Variants in RABEP1 observed in about 807,000 individuals in gnomAD.
The protein encoded by RABEP1 is rab GTPase-binding effector protein 1.
A neutral mutation model predicts 123.4 loss-of-function variants in RABEP1; 51 were observed. That is an observed-to-expected ratio of 0.41 (90% CI 0.33 to 0.52). The LOEUF (loss-of-function observed/expected upper bound fraction) is 0.52, where lower values mean the gene tolerates loss of function less well. RABEP1 is among the 20% of genes least tolerant of loss of function. The pLI is 0.16. For missense variants in RABEP1, 888 were observed against 996.3 expected, an observed-to-expected ratio of 0.89 and a Z score of 1.46; for synonymous variants, 347 against 355.2, an observed-to-expected ratio of 0.98 and a Z score of 0.26.
intron 2 of RABEP1, among the ~76,000 whole-genome samples, chr17:5,314,821 T>G (rs554459520): frequency 2.0e-5 from 3 of 152,192 alleles, no homozygotes; most frequent in Non-Finnish European, 4.4e-5. Context: ...CCCGGCTATA[T>G]TTCTGAAAGT....
rs184813714 is a variant in RABEP1 at position 5,291,136 on chromosome 17, C to T, written c.34+8616C>T. On this transcript the variant is annotated intron_variant, in intron 1 of 17. Coordinates refer to ENST00000537505, the MANE Select transcript of RABEP1 (RefSeq NM_004703.6). ...GTAAAAGAAAACTAGACTTGCTGAGCGTGGTGGCTCACACCTGTAATCCTA... is the reference window on the plus strand; with the variant it reads ...GTAAAAGAAAACTAGACTTGCTGAGTGTGGTGGCTCACACCTGTAATCCTA... 3.9e-4 allele frequency among the ~76,000 whole-genome samples: 59 copies of T among 152,260 alleles called. 1 individual carries two copies. In the East Asian group the frequency reaches 9.8e-3, roughly 25 times the overall value.
intron 17 of RABEP1, among the ~76,000 whole-genome samples, chr17:5,382,274 G>A (rs1226265334): frequency 6.6e-6 from 1 of 151,210 alleles, no homozygotes; most frequent in East Asian, 2.0e-4. Flanking sequence ...TAGAGACAGG[G>A]TTTCACCATG....
At chr17:5,316,577 A>G (rs1239788263) in intron 2 of RABEP1, among the ~76,000 whole-genome samples, 1 of 151,730 alleles carries the variant, frequency 6.6e-6, no homozygotes, top group Non-Finnish European at 1.5e-5. Flanking sequence ...TCATGCCTAT[A>G]ATCCCAGCAC....
intron 2 of RABEP1, among the ~76,000 whole-genome samples, chr17:5,309,545 C>G (rs773944810): frequency 6.6e-6 from 1 of 150,852 alleles, no homozygotes; most frequent in African/African-American, 2.4e-5. Flanking sequence ...CCCAGCTGCT[C>G]GGGAGGCTGA....
chr17:5,344,484 G>A (rs1234345100), intron 5 of RABEP1, among the ~76,000 whole-genome samples: 1 of 151,982 alleles, frequency 6.6e-6, no homozygotes, highest in Non-Finnish European at 1.5e-5. Context: ...AGAAAAACAG[G>A]TAAAGTGGCC....
intron 2 of RABEP1, among the ~76,000 whole-genome samples, chr17:5,331,404 CAT>C (rs1351638759): frequency 3.9e-5 from 6 of 152,158 alleles, no homozygotes; most frequent in African/African-American, 1.4e-4. Context: ...TTTGGCCAAA[CAT>C]ATGTTCTGCC....
At chr17:5,367,435 C>G (rs937825636) in intron 11 of RABEP1, among the ~76,000 whole-genome samples, 10 of 151,112 alleles carry the variant, frequency 6.6e-5, no homozygotes, top group Non-Finnish European at 1.3e-4. Flanking sequence ...CCACGCCCGG[C>G]TAATTTTTTA....
intron 1 of RABEP1, among the ~76,000 whole-genome samples, chr17:5,307,782 C>T (rs907562938): frequency 3.3e-5 from 5 of 152,170 alleles, no homozygotes; most frequent in African/African-American, 1.2e-4. Flanking sequence ...CTAATCTCCG[C>T]ACACCATGAT....
rs1456888275 is a variant in RABEP1, at chr17:5,350,439, G to A, written c.785-12G>A. On this transcript the variant is annotated splice_polypyrimidine_tract_variant and intron_variant, in intron 6 of 17. Coordinates refer to ENST00000537505, the MANE Select transcript of RABEP1 (RefSeq NM_004703.6). ...AGTGTTTTTGATTTGTGGTGGGGGGGTTCCTAAACAGTTTGCCATCTCTTG... is the reference window on the plus strand; with the variant it reads ...AGTGTTTTTGATTTGTGGTGGGGGGATTCCTAAACAGTTTGCCATCTCTTG... The A allele has an allele frequency of 3.1e-6, 5 of 1,601,302 alleles. No homozygotes were observed. Among genetic ancestry groups the A allele is most frequent in the South Asian group, 2.3e-5 (2 of 88,644 alleles).
intron 14 of RABEP1, among the ~76,000 whole-genome samples, chr17:5,377,520 A>ATTTTT (rs960634048): frequency 8.9e-4 from 89 of 99,760 alleles, no homozygotes; most frequent in East Asian, 1.6e-3. Context: ...TATTTAAAAA[A>ATTTTT]TTTTTTTTTT....
chr17:5,321,032 G>A (rs953343205), intron 2 of RABEP1, among the ~76,000 whole-genome samples: 3 of 152,220 alleles, frequency 2.0e-5, no homozygotes, highest in Non-Finnish European at 4.4e-5. Flanking sequence ...CACTTTGGCT[G>A]GGTGCAGTGG....
intron 3 of RABEP1, among the ~76,000 whole-genome samples, chr17:5,333,294 C>G (rs557176664): frequency 6.6e-6 from 1 of 152,254 alleles, no homozygotes; most frequent in African/African-American, 2.4e-5. Flanking sequence ...TCTCAAGTAG[C>G]TGGGACTACA....
intron 8 of RABEP1, among the ~76,000 whole-genome samples, chr17:5,356,845 G>C (rs1406998621): frequency 6.7e-6 from 1 of 148,676 alleles, no homozygotes; most frequent in Non-Finnish European, 1.5e-5. Context: ...GTTTCAACAT[G>C]TTGCCCCGGC....
At chr17:5,285,499 A>G (rs1048259567) in intron 1 of RABEP1, among the ~76,000 whole-genome samples, 1 of 152,210 alleles carries the variant, frequency 6.6e-6, no homozygotes, top group Middle Eastern at 3.4e-3. Flanking sequence ...TGTTAGTTAC[A>G]CAGACATGCT....
At position 5,383,394 on chromosome 17, in the gene RABEP1, C is replaced by G. The variant is rs1911662173; in HGVS notation, c.*171C>G. 4.9e-6 allele frequency: 3 copies of G among 612,636 alleles called. No individual in the cohort carries two copies. Among genetic ancestry groups the G allele is most frequent in the Non-Finnish European group, 8.6e-6 (3 of 349,236 alleles). The allele number at this position is 612,636 out of a possible 1,614,324, so 38.0% of individuals were successfully genotyped here. The stretch of plus-strand genomic sequence containing the variant: ...ACTGTGCGGCACAGGAAACAGCAAA[C>G]AGTGGGGTGATCTGCAGCCCAGAGA... On this transcript the variant is annotated 3_prime_UTR_variant, in exon 18 of 18. Coordinates refer to ENST00000537505, the MANE Select transcript of RABEP1 (RefSeq NM_004703.6).
At chr17:5,290,434 T>C (rs924644458) in intron 1 of RABEP1, among the ~76,000 whole-genome samples, 12 of 152,302 alleles carry the variant, frequency 7.9e-5, no homozygotes, top group Non-Finnish European at 1.3e-4. Flanking sequence ...AAATTTGGAA[T>C]GAGTACGTTA....
chr17:5,370,579 C>T (rs1467231615), intron 12 of RABEP1, among the ~76,000 whole-genome samples: 1 of 152,132 alleles, frequency 6.6e-6, no homozygotes, highest in Non-Finnish European at 1.5e-5. Context: ...TTGTTTCAGG[C>T]CATCTGTCTT....
rs536233053 is a variant in RABEP1 at position 5,289,444 on chromosome 17, G to A, written c.34+6924G>A. Among the ~76,000 whole-genome samples, 357 of 143,056 alleles carry A rather than the reference G, an allele frequency of 2.5e-3. 6 individuals are homozygous for A. The highest frequency in any genetic ancestry group is 6.6e-4 in the Non-Finnish European group (43 of 65,574). 93.9% of individuals were successfully genotyped at this position (143,056 alleles called of 152,430 possible). On this transcript the variant is annotated intron_variant, in intron 1 of 17. Transcript: ENST00000537505. ...CTTTTTTTTTTTTTTTTAAATTTAT[G>A]GTTTCTGGGTTTCTTATTTTGCTGA...
At chr17:5,308,292 C>T (rs1426279095) in intron 1 of RABEP1, among the ~76,000 whole-genome samples, 1 of 148,562 alleles carries the variant, frequency 6.7e-6, no homozygotes, top group Non-Finnish European at 1.5e-5. Context: ...GTGGTGCGAT[C>T]TCGGCCCACT....
Sources: gnomAD v4.1 joint callset for allele counts (sites outside exome capture counted in the v4.1 genomes callset) on GRCh38, gnomAD v4.1.1 for gene constraint, MANE v1.5 for transcripts, NCBI Gene and HGNC (gene_info 2026-07-23, HGNC 2026-07-21) for gene names.